DOK5: variants seen among roughly 807,000 people sequenced by gnomAD.
The protein encoded by DOK5 is downstream of tyrosine kinase 5.
Under a neutral mutation model 43.3 loss-of-function variants are expected in DOK5, and 27 were observed. The observed-to-expected ratio is 0.62, with a 90% CI of 0.46 to 0.86. The LOEUF is 0.86. Ranked by LOEUF, DOK5 falls within the 40% of genes least tolerant of loss-of-function variation. The pLI is 0.00. For missense variants in DOK5, 373 were observed against 392.9 expected (o/e 0.95, Z 0.43); for synonymous variants, 146 against 140.1 (o/e 1.04, Z -0.30).
rs374105642 is a variant in DOK5, at chr20:54,501,120, A to G, written c.66+25108A>G. On this transcript the variant is annotated intron_variant, in intron 1 of 7. Coordinates refer to ENST00000262593, the MANE Select transcript of DOK5 (RefSeq NM_018431.5). Reference sequence around the variant, plus strand: ...TTATGGCTCTTAATACATATTACAAATTAACTTCCCTATGGGCTACGATTT... The same window carrying G: ...TTATGGCTCTTAATACATATTACAAGTTAACTTCCCTATGGGCTACGATTT... 1.9e-4 allele frequency among the ~76,000 whole-genome samples: 29 copies of G among 152,276 alleles called. 1 individual carries two copies. Among genetic ancestry groups the G allele is most frequent in the African/African-American group, 7.0e-4 (29 of 41,564 alleles).
In DOK5 at chr20:54,644,431, G is replaced by T. The variant is rs1193890005; in HGVS notation, c.856+853G>T. 3.3e-5 allele frequency among the ~76,000 whole-genome samples: 5 copies of T among 152,076 alleles called. No homozygotes were observed. The East Asian group carries it at 7.7e-4, about 24-fold the overall frequency. Reference sequence around the variant, plus strand: ...TACTAAAAAAAATACAAGGCCGGGCGCAGTGGCTCACGCCTGTAATCCCAG... The same window carrying T: ...TACTAAAAAAAATACAAGGCCGGGCTCAGTGGCTCACGCCTGTAATCCCAG... On this transcript the variant is annotated intron_variant, in intron 7 of 7. Coordinates refer to ENST00000262593, the MANE Select transcript of DOK5 (RefSeq NM_018431.5).
chr20:54,622,434 G>A (rs145680106), intron 6 of DOK5, among the ~76,000 whole-genome samples: 2 of 152,096 alleles, frequency 1.3e-5, no homozygotes, highest in Non-Finnish European at 2.9e-5. Flanking sequence ...CTTGCAACGT[G>A]CAGGGGTGTG....
chr20:54,571,989 C>T (rs184648696), intron 2 of DOK5, among the ~76,000 whole-genome samples: 76 of 152,214 alleles, frequency 5.0e-4, no homozygotes, highest in Middle Eastern at 6.8e-3. Flanking sequence ...GCTCATCCTT[C>T]GAGACCCATG....
chr20:54,598,828 T>G (rs924708896), intron 5 of DOK5, among the ~76,000 whole-genome samples: 1 of 152,232 alleles, frequency 6.6e-6, no homozygotes. Context: ...TGAAAAAGAT[T>G]TTTATTTATT....
Position 54,547,060 on chromosome 20 carries a change from A to T in DOK5, c.67-7873A>T, listed in dbSNP as rs558641812. On this transcript the variant is annotated intron_variant, in intron 1 of 7. Transcript: ENST00000262593. ...ATTTCTATGAGATCTGAGCTTAAAG[A>T]GTTGAGAAATACTACCGTAGACCAG... Among the ~76,000 whole-genome samples, 7 of 152,320 alleles carry T rather than the reference A, an allele frequency of 4.6e-5. No homozygotes were observed. The South Asian group carries it at 1.4e-3, about 32-fold the overall frequency.
intron 6 of DOK5, among the ~76,000 whole-genome samples, chr20:54,623,547 G>A (rs1020025258): frequency 6.6e-6 from 1 of 152,138 alleles, no homozygotes. Context: ...TTCAACACAT[G>A]TGAACTATTA....
chr20:54,618,305 A>G (rs1233904475), intron 6 of DOK5, among the ~76,000 whole-genome samples: 1 of 151,502 alleles, frequency 6.6e-6, no homozygotes, highest in Non-Finnish European at 1.5e-5. Flanking sequence ...TAAAGCTCTT[A>G]TGTCCCCACT....
chr20:54,534,974 C>T (rs571746493), intron 1 of DOK5, among the ~76,000 whole-genome samples: 15 of 152,268 alleles, frequency 9.9e-5, no homozygotes, highest in African/African-American at 3.6e-4. Context: ...GCTGGGATTA[C>T]AGGCATGTGC....
intron 1 of DOK5, among the ~76,000 whole-genome samples, chr20:54,481,103 A>G (rs776707577): frequency 6.9e-6 from 1 of 145,442 alleles, no homozygotes. Context: ...CTATCTATCT[A>G]TCATCTATCT....
chr20:54,625,249 G>C (rs932364040), intron 6 of DOK5, among the ~76,000 whole-genome samples: 1 of 152,122 alleles, frequency 6.6e-6, no homozygotes, highest in Non-Finnish European at 1.5e-5. Context: ...TAGAATGTCG[G>C]GGAAGACCAC....
intron 6 of DOK5, among the ~76,000 whole-genome samples, chr20:54,620,523 G>A (rs1191153143): frequency 6.6e-6 from 1 of 152,190 alleles, no homozygotes; most frequent in Non-Finnish European, 1.5e-5. Flanking sequence ...ACAGGCATGA[G>A]CCACAGCGCC....
intron 5 of DOK5, among the ~76,000 whole-genome samples, chr20:54,604,753 C>A (rs112120744): frequency 0.058 from 8,869 of 152,156 alleles, 296 homozygotes; most frequent in Middle Eastern, 0.095. Context: ...GTAATCCCAG[C>A]ACTTTGGGAG....
chr20:54,600,602 C>T (rs1460381811), intron 5 of DOK5, among the ~76,000 whole-genome samples: 2 of 152,174 alleles, frequency 1.3e-5, no homozygotes, highest in African/African-American at 2.4e-5. Context: ...ATGCTGCTTT[C>T]CTCCTGCCTG....
intron 1 of DOK5, among the ~76,000 whole-genome samples, chr20:54,538,423 A>C (rs1383965660): frequency 6.6e-6 from 1 of 152,178 alleles, no homozygotes; most frequent in African/African-American, 2.4e-5. Flanking sequence ...ATGAAAGAAA[A>C]TAAAGAGAAT....
intron 6 of DOK5, among the ~76,000 whole-genome samples, chr20:54,633,369 G>T (rs540847378): frequency 1.1e-4 from 16 of 152,084 alleles, no homozygotes; most frequent in African/African-American, 3.9e-4. Context: ...CGAGATTTCA[G>T]CAGAATGAGA....
At chr20:54,546,349 T>C (rs2146720749) in intron 1 of DOK5, among the ~76,000 whole-genome samples, 1 of 152,208 alleles carries the variant, frequency 6.6e-6, no homozygotes, top group South Asian at 2.1e-4. Flanking sequence ...CCAATAGGAG[T>C]AGCACATGAG....
chr20:54,643,728 A>G, intron 7 of DOK5, 150 bp downstream of exon 7: 1 of 1,027,858 alleles, frequency 9.7e-7, no homozygotes, highest in Non-Finnish European at 1.4e-6. Flanking sequence ...CACACGAGGC[A>G]CTTAATCTTT....
intron 1 of DOK5, among the ~76,000 whole-genome samples, chr20:54,477,812 C>T (rs934014360): frequency 6.6e-6 from 1 of 152,154 alleles, no homozygotes; most frequent in African/African-American, 2.4e-5. Flanking sequence ...AGAGTTTATG[C>T]CAAATTGTGA....
intron 5 of DOK5, among the ~76,000 whole-genome samples, chr20:54,605,534 A>G (rs1568806617): frequency 6.6e-6 from 1 of 152,034 alleles, no homozygotes; most frequent in African/African-American, 2.4e-5. Context: ...CCTGTGTCCC[A>G]CCTTAAAGCT....
Sources: allele counts gnomAD v4.1 joint callset (sites outside exome capture counted in the v4.1 genomes callset), GRCh38; gene constraint gnomAD v4.1.1; transcripts MANE v1.5; gene names NCBI Gene and HGNC (gene_info 2026-07-23, HGNC 2026-07-21).